ST8SIA5: variants seen among roughly 807,000 people sequenced by gnomAD.
The protein encoded by ST8SIA5 is ST8 alpha-N-acetyl-neuraminide alpha-2,8-sialyltransferase 5.
A neutral mutation model predicts 40.2 loss-of-function variants in ST8SIA5; 24 were observed. The ratio of observed to expected loss-of-function variants is 0.60; its 90% CI spans 0.43 to 0.84. The LOEUF (loss-of-function observed/expected upper bound fraction) is 0.84, where lower values mean the gene tolerates loss of function less well. Among genes scored for constraint, ST8SIA5 ranks in the 40% least tolerant of loss-of-function variants. The pLI is 0.00. For synonymous variants in ST8SIA5, 198 were observed against 201.8 expected (o/e 0.98, Z 0.16); for missense variants, 465 against 498.5 (o/e 0.93, Z 0.64).
chr18:46,692,440 G>A (rs568549116), intron 2 of ST8SIA5, among the ~76,000 whole-genome samples, 185 bp from the exon 3 acceptor site: 30 of 151,456 alleles, frequency 2.0e-4, no homozygotes, highest in African/African-American at 6.5e-4. Flanking sequence ...GCCTCACACC[G>A]ATGTACAGGC....
At position 46,677,255 on chromosome 18, in the gene ST8SIA5, G is replaced by A. The variant is rs938989632; in HGVS notation, c.*2787C>T. On this transcript the variant is annotated 3_prime_UTR_variant, in exon 7 of 7. Transcript: ENST00000315087. Reference sequence around the variant, plus strand: ...TGTCACTGTCTGGGAAGCTAAGACAGAGGTTTGGAGCACAGACTTTGGGGC... The same window carrying A: ...TGTCACTGTCTGGGAAGCTAAGACAAAGGTTTGGAGCACAGACTTTGGGGC... 3.3e-5 allele frequency: 5 copies of A among 151,026 alleles called. No homozygotes were observed. The highest frequency in any genetic ancestry group is 9.7e-5 in the African/African-American group (4 of 41,082). 9.4% of individuals were successfully genotyped at this position (151,026 alleles called of 1,614,324 possible).
At chr18:46,727,720 T>C (rs770334840) in intron 1 of ST8SIA5, among the ~76,000 whole-genome samples, 22 of 152,154 alleles carry the variant, frequency 1.4e-4, no homozygotes, top group Middle Eastern at 3.2e-3. Flanking sequence ...TGCCCAGATA[T>C]TGTGAAGAGC....
chr18:46,704,327 G>T (rs1568260158), intron 2 of ST8SIA5, among the ~76,000 whole-genome samples: 1 of 152,022 alleles, frequency 6.6e-6, no homozygotes, highest in African/African-American at 2.4e-5. Context: ...CTTTAACACC[G>T]AGTCACCAGA....
intron 1 of ST8SIA5, among the ~76,000 whole-genome samples, chr18:46,726,849 C>T (rs569697962): frequency 1.4e-3 from 217 of 152,224 alleles, no homozygotes; most frequent in African/African-American, 5.2e-3. Context: ...ACCCAGGAGG[C>T]GGAGGTTGCA....
rs1319744391 is a variant in ST8SIA5 at position 46,676,022 on chromosome 18, C to T, written c.*4020G>A. On this transcript the variant is annotated 3_prime_UTR_variant, in exon 7 of 7. Transcript: ENST00000315087. The stretch of plus-strand genomic sequence containing the variant: ...AGTGAGCCATATTTATATCACCACC[C>T]TCTAGCCTGGGTGACAGAGGGAGAC... 1 of 152,156 alleles carries T rather than the reference C, an allele frequency of 6.6e-6. No homozygotes were observed. Among genetic ancestry groups the T allele is most frequent in the Non-Finnish European group, 1.5e-5 (1 of 68,046 alleles). 9.4% of individuals were successfully genotyped at this position (152,156 alleles called of 1,614,324 possible).
intron 1 of ST8SIA5, among the ~76,000 whole-genome samples, chr18:46,745,255 C>CA (rs1406426538): frequency 2.8e-4 from 43 of 151,852 alleles, no homozygotes; most frequent in Non-Finnish European, 1.3e-4. Flanking sequence ...AAAAACCCTT[C>CA]AAAAAATCAA....
chr18:46,736,351 C>G (rs1476444593), intron 1 of ST8SIA5, among the ~76,000 whole-genome samples: 1 of 152,118 alleles, frequency 6.6e-6, no homozygotes, highest in Non-Finnish European at 1.5e-5. Context: ...ATTAACCAAC[C>G]TGAACTAAGA....
Position 46,710,363 on chromosome 18 carries a change from T to TTTTCTTTCTTTCTTTCTTTCTTTC in ST8SIA5, c.132-5723_132-5700dup, listed in dbSNP as rs71162817. On this transcript the variant is annotated intron_variant, in intron 1 of 6. Transcript: ENST00000315087. Reference sequence around the variant, plus strand: ...CTTCCTTTCCTTCTTTCCTTCTTTCTTTTCTTTCTTTCTTTCTTTCTTTCT... The same window carrying TTTTCTTTCTTTCTTTCTTTCTTTC: ...CTTCCTTTCCTTCTTTCCTTCTTTCTTTTCTTTCTTTCTTTCTTTCTTTCTTTCTTTCTTTCTTTCTTTCTTTCT... Among the ~76,000 whole-genome samples, 299 of 114,480 alleles carry TTTTCTTTCTTTCTTTCTTTCTTTC rather than the reference T, an allele frequency of 2.6e-3. 1 individual carries two copies. Among genetic ancestry groups the TTTTCTTTCTTTCTTTCTTTCTTTC allele is most frequent in the Middle Eastern group, 4.5e-3 (1 of 220 alleles). 75.1% of individuals were successfully genotyped at this position (114,480 alleles called of 152,430 possible). A position where few individuals can be genotyped will look rare whatever the true frequency, so the allele number is the denominator to read the frequency against.
At chr18:46,711,259 A>C (rs2039729570) in intron 1 of ST8SIA5, among the ~76,000 whole-genome samples, 1 of 152,190 alleles carries the variant, frequency 6.6e-6, no homozygotes, top group African/African-American at 2.4e-5. Flanking sequence ...CCCACCCTGC[A>C]CAACTGTCCA....
intron 1 of ST8SIA5, among the ~76,000 whole-genome samples, chr18:46,738,800 C>T (rs1038896777): frequency 1.3e-5 from 2 of 152,128 alleles, no homozygotes; most frequent in Admixed American, 1.3e-4. Context: ...GGAGAGTTGG[C>T]TCAGTGATGA....
chr18:46,747,013 C>A (rs1227626229), intron 1 of ST8SIA5, among the ~76,000 whole-genome samples: 4 of 152,220 alleles, frequency 2.6e-5, no homozygotes, highest in South Asian at 2.1e-4. Flanking sequence ...AACTGGCTAG[C>A]CATATGTAGA....
chr18:46,706,743 T>C (rs755232271), intron 1 of ST8SIA5, among the ~76,000 whole-genome samples: 2 of 152,180 alleles, frequency 1.3e-5, no homozygotes, highest in African/African-American at 4.8e-5. Flanking sequence ...AGCATTTGCA[T>C]GAGATGGATT....
At chr18:46,708,041 G>A (rs2039686640) in intron 1 of ST8SIA5, among the ~76,000 whole-genome samples, 1 of 152,186 alleles carries the variant, frequency 6.6e-6, no homozygotes, top group African/African-American at 2.4e-5. Context: ...AAACAATGCA[G>A]TGCATGTGCG....
At chr18:46,753,778 G>T (rs185413554) in intron 1 of ST8SIA5, among the ~76,000 whole-genome samples, 13 of 152,206 alleles carry the variant, frequency 8.5e-5, no homozygotes, top group African/African-American at 2.9e-4. Flanking sequence ...CCTCTCCCCA[G>T]TGTGAATGCC....
chr18:46,735,779 A>T (rs982289981), intron 1 of ST8SIA5, among the ~76,000 whole-genome samples: 1 of 145,272 alleles, frequency 6.9e-6, no homozygotes, highest in African/African-American at 2.5e-5. Flanking sequence ...CACCTGGATA[A>T]TTTTTTTTTT....
intron 5 of ST8SIA5, 67 bp downstream of exon 5, chr18:46,686,106 AC>A (rs770708063): frequency 2.7e-5 from 40 of 1,484,434 alleles, no homozygotes; most frequent in Non-Finnish European, 3.8e-5. Flanking sequence ...GCATTAGGGA[AC>A]CGGGGGAAGA....
Position 46,751,994 on chromosome 18 carries a change from C to T in ST8SIA5, c.131+4384G>A, listed in dbSNP as rs183794570. Among the ~76,000 whole-genome samples, 356 of 152,308 alleles carry T rather than the reference C, an allele frequency of 2.3e-3. 4 individuals are homozygous for T. The highest frequency in any genetic ancestry group is 8.3e-3 in the African/African-American group (345 of 41,566). ...CACCCTCCCCGCTCCCTCCCAGACA[C>T]GCCATCCTCACAGGGTCCCTACTTT... On this transcript the variant is annotated intron_variant, in intron 1 of 6. Transcript: ENST00000315087.
Position 46,748,555 on chromosome 18 carries a change from CAAAA to C in ST8SIA5, c.131+7819_131+7822del, listed in dbSNP as rs71162822. Among the ~76,000 whole-genome samples, 142 of 78,370 alleles carry C rather than the reference CAAAA, an allele frequency of 1.8e-3. 1 individual carries two copies. The highest frequency in any genetic ancestry group is 7.1e-3 in the African/African-American group (138 of 19,368). The allele number at this position is 78,370 out of a possible 152,430, so 51.4% of individuals were successfully genotyped here. ...CTCCAGCCTGGGCAAAACTTCCTCT[CAAAA>C]AAAAAAAAAAAAAAAAGGCAAAGAA... On this transcript the variant is annotated intron_variant, in intron 1 of 6. Transcript: ENST00000315087.
At chr18:46,692,099 T>C (rs1319815567) in intron 3 of ST8SIA5, 70 bp downstream of exon 3, 8 of 1,523,002 alleles carry the variant, frequency 5.3e-6, no homozygotes, top group Non-Finnish European at 6.4e-6. Flanking sequence ...TGCAGGACAA[T>C]GGAGACCAGA....
Sources: allele counts gnomAD v4.1 joint callset (sites outside exome capture counted in the v4.1 genomes callset), GRCh38; gene constraint gnomAD v4.1.1; transcripts MANE v1.5; gene names NCBI Gene and HGNC (gene_info 2026-07-23, HGNC 2026-07-21).